Variants in STARD10 observed in about 807,000 individuals in gnomAD.
STARD10 encodes the protein StAR related lipid transfer domain containing 10.
In STARD10, 24 loss-of-function variants were observed where a neutral mutation model predicts 36.0. That is an observed-to-expected ratio of 0.67 (90% CI 0.48 to 0.94). The LOEUF (loss-of-function observed/expected upper bound fraction) is 0.94, where lower values mean the gene tolerates loss of function less well. STARD10 is among the 40% of genes least tolerant of loss of function. The probability of loss-of-function intolerance (pLI) is 0.00; values close to 1 mark genes in which losing one functional copy is unlikely to be tolerated. For synonymous variants in STARD10, 156 were observed against 161.9 expected, an observed-to-expected ratio of 0.96 and a Z score of 0.28; for missense variants, 335 against 396.6, an observed-to-expected ratio of 0.84 and a Z score of 1.32.
chr11:72,778,102 A>G (rs1858949180), intron 2 of STARD10, among the ~76,000 whole-genome samples: 1 of 152,194 alleles, frequency 6.6e-6, no homozygotes. Flanking sequence ...CATCCATCAA[A>G]CAAGAATAGG....
At chr11:72,755,877 G>C in intron 5 of STARD10, 124 bp from the exon 6 acceptor site, 3 of 841,410 alleles carry the variant, frequency 3.6e-6, no homozygotes, top group Non-Finnish European at 5.5e-6. Flanking sequence ...GAGGAGGTGT[G>C]TGAGGCAAGT....
intron 1 of STARD10, among the ~76,000 whole-genome samples, chr11:72,787,527 C>T (rs370308604): frequency 4.6e-5 from 7 of 152,194 alleles, no homozygotes; most frequent in Admixed American, 2.0e-4. Flanking sequence ...ATTCTCCTTC[C>T]GGAGGGTTCC....
At chr11:72,759,627 C>G (rs1858690664) in intron 2 of STARD10, among the ~76,000 whole-genome samples, 2 of 152,198 alleles carry the variant, frequency 1.3e-5, no homozygotes, top group African/African-American at 2.4e-5. Context: ...CCAGTCTCCT[C>G]CTCCAGGAAG....
intron 2 of STARD10, among the ~76,000 whole-genome samples, chr11:72,771,580 G>A (rs1462313358): frequency 6.6e-6 from 1 of 152,132 alleles, no homozygotes; most frequent in Non-Finnish European, 1.5e-5. Flanking sequence ...AGAGCTCCCT[G>A]AGCAGACTGA....
intron 1 of STARD10, among the ~76,000 whole-genome samples, chr11:72,789,655 C>T (rs572225122): frequency 7.9e-5 from 12 of 152,286 alleles, no homozygotes; most frequent in African/African-American, 2.9e-4. Context: ...GGCTGGCTCC[C>T]AGGACCGCGT....
intron 1 of STARD10, among the ~76,000 whole-genome samples, chr11:72,784,698 A>C (rs633405): frequency 0.98 from 148,876 of 152,288 alleles, 72,864 homozygotes; most frequent in Middle Eastern, 1. Context: ...CTCCACAGGA[A>C]GTGAATTGAG....
chr11:72,757,969 A>G (rs954808035), intron 4 of STARD10, 85 bp from the exon 5 acceptor site: 30 of 1,085,122 alleles, frequency 2.8e-5, no homozygotes, highest in Non-Finnish European at 3.8e-5. Context: ...GCGCACGCGC[A>G]CACACACATA....
intron 2 of STARD10, among the ~76,000 whole-genome samples, chr11:72,776,392 G>A (rs1486309723): frequency 6.6e-6 from 1 of 152,164 alleles, no homozygotes; most frequent in Non-Finnish European, 1.5e-5. Flanking sequence ...GCCTGCCACC[G>A]CCGATAAGAA....
At chr11:72,787,399 AG>A (rs1381159464) in intron 1 of STARD10, among the ~76,000 whole-genome samples, 1 of 152,172 alleles carries the variant, frequency 6.6e-6, no homozygotes, top group East Asian at 1.9e-4. Context: ...ACCACCATAC[AG>A]GACTTCAGAG....
At chr11:72,758,048 A>C (rs186224401) in intron 4 of STARD10, 164 bp from the exon 5 acceptor site, 34 of 694,634 alleles carry the variant, frequency 4.9e-5, no homozygotes, top group Non-Finnish European at 5.1e-6. Flanking sequence ...AAAGGGAAGA[A>C]CCAGAGTAGG....
chr11:72,754,813 G>A lies in STARD10; in HGVS notation c.*84C>T. On this transcript the variant is annotated 3_prime_UTR_variant, in exon 7 of 7. Transcript: ENST00000334805. ...CCTGGCCCGGTGCCACCAGGTGCCG[G>A]GTGGGGGAGGGGAGAAAGTGCAGGA... 2.0e-6 allele frequency: 3 copies of A among 1,530,534 alleles called. No individual in the cohort carries two copies. The highest frequency in any genetic ancestry group is 2.6e-6 in the Non-Finnish European group (3 of 1,143,654). The allele number at this position is 1,530,534 out of a possible 1,614,324, so 94.8% of individuals were successfully genotyped here.
At chr11:72,756,061 G>C (rs2135606874) in intron 5 of STARD10, 1 of 233,354 alleles carries the variant, frequency 4.3e-6, no homozygotes, top group South Asian at 8.3e-5. Context: ...TGCTGCACCT[G>C]CTGCCTCACT....
chr11:72,760,282 A>G (rs2135610476), intron 2 of STARD10, among the ~76,000 whole-genome samples: 1 of 151,934 alleles, frequency 6.6e-6, no homozygotes. Flanking sequence ...GCTGGAGTAC[A>G]GTGGCGTGAT....
chr11:72,790,050 CCA>C (rs2135043052), intron 1 of STARD10, among the ~76,000 whole-genome samples: 1 of 152,330 alleles, frequency 6.6e-6, no homozygotes, highest in African/African-American at 2.4e-5. Flanking sequence ...CCTGCAGCAG[CCA>C]CACGCACACC....
At chr11:72,789,204 T>G (rs899271208) in intron 1 of STARD10, among the ~76,000 whole-genome samples, 1 of 152,184 alleles carries the variant, frequency 6.6e-6, no homozygotes, top group Non-Finnish European at 1.5e-5. Context: ...ACAATGAGGA[T>G]GAAGTGAGTT....
rs372967970 is a variant in STARD10, at chr11:72,754,895, G to C, written c.*2C>G. On this transcript the variant is annotated 3_prime_UTR_variant, in exon 7 of 7. Coordinates refer to ENST00000334805, the MANE Select transcript of STARD10 (RefSeq NM_006645.3). Reference sequence around the variant, plus strand: ...GTCTCCGTCCCTGAAGCGGTGCGGCGCTCAGGTGAGCGAGGTGTCGTCGTC... The same window carrying C: ...GTCTCCGTCCCTGAAGCGGTGCGGCCCTCAGGTGAGCGAGGTGTCGTCGTC... The C allele has an allele frequency of 6.3e-7, 1 of 1,596,686 alleles. No individual in the cohort carries two copies. The highest frequency in any genetic ancestry group is 8.5e-7 in the Non-Finnish European group (1 of 1,177,876).
chr11:72,785,178 A>C (rs1859055795), intron 1 of STARD10, among the ~76,000 whole-genome samples: 1 of 152,126 alleles, frequency 6.6e-6, no homozygotes. Flanking sequence ...CCACAGCAGA[A>C]CTAAAGACCC....
At chr11:72,785,472 A>T (rs1859059478) in intron 1 of STARD10, among the ~76,000 whole-genome samples, 1 of 151,300 alleles carries the variant, frequency 6.6e-6, no homozygotes, top group African/African-American at 2.4e-5. Context: ...GAGGCAGGAA[A>T]ATCGCTTGAA....
At chr11:72,780,084 C>A in intron 2 of STARD10, 1 of 368,576 alleles carries the variant, frequency 2.7e-6, no homozygotes. Flanking sequence ...TGCAAGGGGA[C>A]CTACCAGCCC....
Sources: allele counts gnomAD v4.1 joint callset (sites outside exome capture counted in the v4.1 genomes callset), GRCh38; gene constraint gnomAD v4.1.1; transcripts MANE v1.5; gene names NCBI Gene and HGNC (gene_info 2026-07-23, HGNC 2026-07-21).